Variants in ITIH2 observed in about 807,000 individuals in gnomAD.
ITIH2 encodes the protein inter-alpha-trypsin inhibitor heavy chain 2.
In ITIH2, 103 loss-of-function variants were observed where a neutral mutation model predicts 104.4. The observed-to-expected ratio is 0.99, with a 90% confidence interval of 0.84 to 1.16. ITIH2 has a LOEUF of 1.16. Among genes scored for constraint, ITIH2 ranks in the 50% most tolerant of loss-of-function variants. ITIH2 has a pLI of 0.00. For synonymous variants in ITIH2, 436 were observed against 435.4 expected (o/e 1.00, Z -0.02); for missense variants, 1,108 against 1,162.4 (o/e 0.95, Z 0.68).
intron 8 of ITIH2, among the ~76,000 whole-genome samples, chr10:7,721,988 G>T (rs1254072930): frequency 6.6e-6 from 1 of 152,036 alleles, no homozygotes; most frequent in African/African-American, 2.4e-5. Flanking sequence ...TCATGCTCTT[G>T]TCCCAGGAGG....
chr10:7,711,747 C>A (rs1170274437), intron 4 of ITIH2, among the ~76,000 whole-genome samples: 3 of 152,212 alleles, frequency 2.0e-5, no homozygotes, highest in African/African-American at 4.8e-5. Flanking sequence ...AGCTGTCCCT[C>A]ATATTGCAGG....
chr10:7,738,503 A>T (rs1835093059), intron 15 of ITIH2, 118 bp from the exon 16 acceptor site: 1 of 1,134,206 alleles, frequency 8.8e-7, no homozygotes, highest in Admixed American at 1.9e-5. Flanking sequence ...ATAAAAACAG[A>T]GGAGAAAAAC....
chr10:7,743,348 A>G, intron 17 of ITIH2, 89 bp downstream of exon 17: 1 of 723,434 alleles, frequency 1.4e-6, no homozygotes, highest in South Asian at 1.7e-5. Flanking sequence ...TCTCAGCTTA[A>G]TAGAAGTTCT....
intron 11 of ITIH2, among the ~76,000 whole-genome samples, chr10:7,728,588 G>T (rs576139567): frequency 7.9e-5 from 12 of 151,430 alleles, no homozygotes; most frequent in African/African-American, 2.7e-4. Context: ...GAGAGACGAA[G>T]TCTCACTATG....
chr10:7,719,145 T>C (rs1159668244), intron 6 of ITIH2, among the ~76,000 whole-genome samples: 2 of 152,208 alleles, frequency 1.3e-5, no homozygotes, highest in Non-Finnish European at 2.9e-5. Flanking sequence ...GGGAATGAAT[T>C]AATCACGATG....
chr10:7,726,625 G>A (rs547795842), intron 9 of ITIH2, among the ~76,000 whole-genome samples: 1 of 152,288 alleles, frequency 6.6e-6, no homozygotes, highest in African/African-American at 2.4e-5. Flanking sequence ...AAGAGACTGG[G>A]TGAGTAGATG....
intron 9 of ITIH2, among the ~76,000 whole-genome samples, chr10:7,724,396 C>A (rs1208814548): frequency 4.0e-5 from 6 of 151,758 alleles, no homozygotes; most frequent in East Asian, 1.9e-4. Flanking sequence ...CATGGAGAAA[C>A]CCTGTCTCTA....
intron 12 of ITIH2, 69 bp from the exon 13 acceptor site, chr10:7,731,742 A>T (rs1264560173): frequency 8.9e-7 from 1 of 1,128,412 alleles, no homozygotes; most frequent in Non-Finnish European, 1.3e-6. Flanking sequence ...ATAAATAAAT[A>T]AAATAAAATG....
chr10:7,726,633 A>G (rs1834953449), intron 9 of ITIH2, among the ~76,000 whole-genome samples: 1 of 152,190 alleles, frequency 6.6e-6, no homozygotes, highest in East Asian at 1.9e-4. Context: ...GGGTGAGTAG[A>G]TGGACTTGAG....
chr10:7,747,175 G>A (rs1169782640), intron 20 of ITIH2, among the ~76,000 whole-genome samples: 5 of 152,028 alleles, frequency 3.3e-5, no homozygotes, highest in East Asian at 1.9e-4. Context: ...GAACTTAGAC[G>A]CTCATAACGC....
chr10:7,705,186 T>G lies in ITIH2; in HGVS notation c.159+4T>G. ...GGCAGAGAACCGGAGATATCAGGTA[T>G]AGTAAGGTTTACTCCCAAAAGGGGG... On this transcript the variant is annotated splice_donor_region_variant and intron_variant, in intron 2 of 20. Transcript: ENST00000358415. The G allele has an allele frequency of 6.3e-7, 1 of 1,599,562 alleles. No homozygotes were observed. Among genetic ancestry groups the G allele is most frequent in the Non-Finnish European group, 8.6e-7 (1 of 1,168,056 alleles).
At chr10:7,714,918 C>T (rs544337324) in intron 5 of ITIH2, among the ~76,000 whole-genome samples, 14 of 152,230 alleles carry the variant, frequency 9.2e-5, no homozygotes, top group African/African-American at 3.4e-4. Context: ...CCTGTGGATA[C>T]GGAGGGTCCA....
chr10:7,749,024 C>T (rs143937763), intron 20 of ITIH2, among the ~76,000 whole-genome samples, 163 bp from the exon 21 acceptor site: 4 of 152,218 alleles, frequency 2.6e-5, no homozygotes, highest in African/African-American at 9.6e-5. Context: ...AACACCAAGC[C>T]CCAGACTTGG....
At position 7,732,449 on chromosome 10, in the gene ITIH2, C is replaced by T. The variant is rs1296713661; in HGVS notation, c.1759C>T (p.Leu587=). 6.2e-7 allele frequency: 1 copy of T among 1,613,880 alleles called. No homozygotes were observed. Among genetic ancestry groups the T allele is most frequent in the African/African-American group, 1.3e-5 (1 of 74,890 alleles). ...PDFTRKLWAY[L]TINQLLAERS... ...TTTCACCAGGAAACTGTGGGCCTAT[C>T]TAACCATCAACCAACTGCTAGCTGA... Residue 587 remains leucine, a synonymous_variant, in exon 14 of 21, where the codon CTA becomes TTA. Transcript: ENST00000358415.
intron 4 of ITIH2, among the ~76,000 whole-genome samples, chr10:7,712,539 T>C (rs2130939936): frequency 6.6e-6 from 1 of 152,234 alleles, no homozygotes; most frequent in East Asian, 1.9e-4. Flanking sequence ...CTAATCACAT[T>C]TGTCATTCAA....
At chr10:7,719,070 T>A (rs1179531878) in intron 6 of ITIH2, among the ~76,000 whole-genome samples, 1 of 151,962 alleles carries the variant, frequency 6.6e-6, no homozygotes, top group African/African-American at 2.4e-5. Context: ...AACATGCCCC[T>A]CCCCCGGCAG....
In ITIH2 at chr10:7,727,794, G is replaced by A; in HGVS notation, c.1245G>A (p.Leu415=). The A allele has an allele frequency of 6.2e-7, 1 of 1,614,158 alleles. No homozygotes were observed. Among genetic ancestry groups the A allele is most frequent in the Non-Finnish European group, 8.5e-7 (1 of 1,180,012 alleles). Residue 415 remains leucine, a synonymous_variant, in exon 11 of 21, where the codon CTG becomes CTA. Coordinates refer to ENST00000358415, the MANE Select transcript of ITIH2 (RefSeq NM_002216.3). ...LGLLDPNSVS[L]IILVSDGDPT... is the part of the protein sequence containing the mutation. ...TGTTAGACCCCAACTCCGTCTCGCT[G>A]ATCATTTTGGTTTCTGATGGAGATC... is the stretch of plus-strand genomic sequence containing the variant.
chr10:7,732,885 G>T (rs192992207), intron 14 of ITIH2, among the ~76,000 whole-genome samples: 1 of 151,758 alleles, frequency 6.6e-6, no homozygotes, highest in African/African-American at 2.4e-5. Context: ...CCACCACCAC[G>T]CCCAGCTAAT....
intron 4 of ITIH2, 60 bp downstream of exon 4, chr10:7,709,251 C>A: frequency 1.3e-6 from 2 of 1,483,726 alleles, no homozygotes; most frequent in South Asian, 1.1e-5. Context: ...AATCAAAACC[C>A]CTCATAGTTA....
Sources: gnomAD v4.1 joint callset for allele counts (sites outside exome capture counted in the v4.1 genomes callset) on GRCh38, gnomAD v4.1.1 for gene constraint, MANE v1.5 for transcripts, NCBI Gene and HGNC (gene_info 2026-07-23, HGNC 2026-07-21) for gene names.